B3GLCT: variants seen among roughly 807,000 people sequenced by gnomAD.
B3GLCT encodes beta-1,3-glucosyltransferase.
In B3GLCT, 65 loss-of-function variants were observed where a neutral mutation model predicts 63.4. That is an observed-to-expected ratio of 1.03 (90% CI 0.84 to 1.26). B3GLCT has a LOEUF of 1.26. Among genes scored for constraint, B3GLCT ranks in the 50% most tolerant of loss-of-function variants. B3GLCT has a pLI of 0.00. For synonymous variants in B3GLCT, 233 were observed against 219.2 expected (o/e 1.06, Z -0.55); for missense variants, 577 against 604.8 (o/e 0.95, Z 0.48).
chr13:31,262,374 C>T (rs535925942), intron 7 of B3GLCT, among the ~76,000 whole-genome samples: 1 of 152,380 alleles, frequency 6.6e-6, no homozygotes, highest in Non-Finnish European at 1.5e-5. Flanking sequence ...GGCAAGAATG[C>T]CCATCTCCCG....
intron 12 of B3GLCT, among the ~76,000 whole-genome samples, chr13:31,314,689 G>T (rs537740554): frequency 6.6e-6 from 1 of 152,318 alleles, no homozygotes; most frequent in East Asian, 1.9e-4. Flanking sequence ...TTGAACTAAT[G>T]TGGAAATGAG....
chr13:31,276,516 G>T (rs914068786), intron 9 of B3GLCT, among the ~76,000 whole-genome samples, 186 bp from the exon 10 acceptor site: 1 of 152,096 alleles, frequency 6.6e-6, no homozygotes, highest in African/African-American at 2.4e-5. Flanking sequence ...TCCAGGGCTG[G>T]CTGACAGAAA....
rs1875897427 is a variant in B3GLCT, at chr13:31,331,064, G to T, written c.*1396G>T. On this transcript the variant is annotated 3_prime_UTR_variant, in exon 15 of 15. Transcript: ENST00000343307. ...AACACAATGCATTGGATTCAGTTTT[G>T]TGAAAATGGATTCTGTGGCCATCCA... is the stretch of plus-strand genomic sequence containing the variant. 6.6e-6 allele frequency: 1 copy of T among 152,144 alleles called. No individual in the cohort carries two copies. Among genetic ancestry groups the T allele is most frequent in the South Asian group, 2.1e-4 (1 of 4,824 alleles). The allele number at this position is 152,144 out of a possible 1,614,324, so 9.4% of individuals were successfully genotyped here.
intron 12 of B3GLCT, among the ~76,000 whole-genome samples, chr13:31,297,350 C>T (rs1055391081): frequency 2.0e-5 from 3 of 150,636 alleles, no homozygotes; most frequent in African/African-American, 4.9e-5. Context: ...TTCTCCACAT[C>T]CTTGTCAACC....
At chr13:31,254,096 T>G (rs1483043653) in intron 6 of B3GLCT, among the ~76,000 whole-genome samples, 3 of 151,664 alleles carry the variant, frequency 2.0e-5, no homozygotes, top group African/African-American at 7.3e-5. Flanking sequence ...TCTACCAGAG[T>G]TACAAAGAGG....
rs763599678 is a variant in B3GLCT, at chr13:31,215,103, A to C, written c.120+3A>C. On this transcript the variant is annotated splice_donor_region_variant and intron_variant, in intron 2 of 14. Transcript: ENST00000343307. The stretch of plus-strand genomic sequence containing the variant: ...AGAAAGAGGTCAAGCAGTCTCAGGT[A>C]CTAATCCCAATGATCAAATCTTTTC... The C allele has an allele frequency of 4.3e-6, 7 of 1,610,768 alleles. No individual in the cohort carries two copies. Among genetic ancestry groups the C allele is most frequent in the Non-Finnish European group, 4.2e-6 (5 of 1,179,032 alleles).
intron 6 of B3GLCT, among the ~76,000 whole-genome samples, chr13:31,255,299 A>G (rs1397895561): frequency 6.6e-6 from 1 of 152,188 alleles, no homozygotes; most frequent in Non-Finnish European, 1.5e-5. Flanking sequence ...AGGAAATAAG[A>G]GAGGACACAA....
intron 14 of B3GLCT, among the ~76,000 whole-genome samples, chr13:31,327,183 G>A (rs1286050017): frequency 1.3e-5 from 2 of 152,176 alleles, no homozygotes; most frequent in Non-Finnish European, 2.9e-5. Flanking sequence ...AAAGTAGGCA[G>A]AGTAAGAGAT....
intron 12 of B3GLCT, among the ~76,000 whole-genome samples, chr13:31,309,138 AG>A (rs1217780790): frequency 1.3e-5 from 2 of 152,318 alleles, no homozygotes; most frequent in African/African-American, 2.4e-5. Context: ...CCAGGAATCA[AG>A]GGTTTCTCAT....
At chr13:31,270,547 GA>G (rs1303074944) in intron 8 of B3GLCT, among the ~76,000 whole-genome samples, 2 of 152,146 alleles carry the variant, frequency 1.3e-5, no homozygotes, top group African/African-American at 4.8e-5. Context: ...TAACATATAT[GA>G]AAGGTATAAA....
chr13:31,322,910 C>T (rs1875403146), intron 13 of B3GLCT, among the ~76,000 whole-genome samples: 1 of 152,124 alleles, frequency 6.6e-6, no homozygotes, highest in African/African-American at 2.4e-5. Context: ...AAAAATGTGG[C>T]CAGGGAGGTT....
At chr13:31,300,966 C>G (rs530492140) in intron 12 of B3GLCT, among the ~76,000 whole-genome samples, 1 of 152,276 alleles carries the variant, frequency 6.6e-6, no homozygotes, top group South Asian at 2.1e-4. Context: ...CCAAGTTAAA[C>G]TATAAACTAA....
intron 7 of B3GLCT, among the ~76,000 whole-genome samples, chr13:31,263,993 A>G (rs1872169315): frequency 1.3e-5 from 2 of 152,194 alleles, no homozygotes; most frequent in Admixed American, 1.3e-4. Context: ...GAAGTCCAAG[A>G]TAAGGCGCTG....
intron 7 of B3GLCT, among the ~76,000 whole-genome samples, chr13:31,263,706 A>G (rs1357676365): frequency 1.3e-5 from 2 of 152,230 alleles, no homozygotes; most frequent in African/African-American, 2.4e-5. Context: ...GTAGTCCCAC[A>G]GGAGACCACA....
chr13:31,226,032 A>G lies in B3GLCT; in HGVS notation c.160+3041A>G, dbSNP rs115363031. 4.2e-3 allele frequency among the ~76,000 whole-genome samples: 639 copies of G among 152,250 alleles called. 7 individuals are homozygous for G. Among genetic ancestry groups the G allele is most frequent in the African/African-American group, 0.015 (620 of 41,538 alleles). Reference sequence around the variant, plus strand: ...CACTCAGGGAGACTGCAGAGATACCACAGGCTGTGGGCTCTGTGGTGATCC... The same window carrying G: ...CACTCAGGGAGACTGCAGAGATACCGCAGGCTGTGGGCTCTGTGGTGATCC... On this transcript the variant is annotated intron_variant, in intron 3 of 14. Coordinates refer to ENST00000343307, the MANE Select transcript of B3GLCT (RefSeq NM_194318.4).
chr13:31,297,552 G>A (rs1399427199), intron 12 of B3GLCT, among the ~76,000 whole-genome samples: 1 of 152,078 alleles, frequency 6.6e-6, no homozygotes, highest in African/African-American at 2.4e-5. Flanking sequence ...AGCAGGGAGA[G>A]TTCTCCTACC....
At chr13:31,246,877 A>G in intron 4 of B3GLCT, 146 bp from the exon 5 acceptor site, 1 of 656,990 alleles carries the variant, frequency 1.5e-6, no homozygotes, top group Non-Finnish European at 2.6e-6. Context: ...GAAGAGTACC[A>G]TGTCAGGTCT....
At chr13:31,261,140 T>C in intron 7 of B3GLCT, 58 bp downstream of exon 7, 1 of 1,572,776 alleles carries the variant, frequency 6.4e-7, no homozygotes, top group Non-Finnish European at 8.7e-7. Flanking sequence ...AACTTTAATT[T>C]CATTGAGTAC....
chr13:31,262,787 A>T (rs1182469176), intron 7 of B3GLCT, among the ~76,000 whole-genome samples: 2 of 152,076 alleles, frequency 1.3e-5, no homozygotes, highest in African/African-American at 4.8e-5. Flanking sequence ...TATTCTTCTC[A>T]TCCTCGGCCA....
Sources: allele counts gnomAD v4.1 joint callset (sites outside exome capture counted in the v4.1 genomes callset), GRCh38; gene constraint gnomAD v4.1.1; transcripts MANE v1.5; gene names NCBI Gene and HGNC (gene_info 2026-07-23, HGNC 2026-07-21).